Variants in SLC15A4 observed in about 807,000 individuals in gnomAD.
The protein encoded by SLC15A4 is hPHT1.
In SLC15A4, 26 loss-of-function variants were observed where a neutral mutation model predicts 46.1. The observed-to-expected ratio is 0.56, with a 90% CI of 0.41 to 0.78. SLC15A4 has a LOEUF of 0.78. SLC15A4 is among the 30% of genes least tolerant of loss of function. The pLI is 0.00. For missense variants in SLC15A4, 751 were observed against 755.7 expected (o/e 0.99, Z 0.07); for synonymous variants, 370 against 333.4 (o/e 1.11, Z -1.20).
In SLC15A4 at chr12:128,823,516, G is replaced by A. The variant is rs1380363617; in HGVS notation, c.428C>T (p.Ala143Val). 2.0e-6 allele frequency: 3 copies of A among 1,482,054 alleles called. No individual in the cohort carries two copies. Among genetic ancestry groups the A allele is most frequent in the African/African-American group, 1.5e-5 (1 of 68,152 alleles). The allele number at this position is 1,482,054 out of a possible 1,614,324, so 91.8% of individuals were successfully genotyped here. Residue 143 changes from alanine (A) to valine (V), a missense_variant, in exon 1 of 8, where the codon GCG becomes GTG. Coordinates refer to ENST00000266771, the MANE Select transcript of SLC15A4 (RefSeq NM_145648.4). Reference protein sequence around the residue: ...CGSARLLNCTAPGPDAAARCC... With the variant: ...CGSARLLNCTVPGPDAAARCC... ...GCGGGCGGCGGCGTCGGGACCAGGC[G>A]CCGTGCAGTTGAGCAGGCGCGCGGA...
At chr12:128,809,704 CAAG>C in intron 3 of SLC15A4, 2 of 544,874 alleles carry the variant, frequency 3.7e-6, no homozygotes, top group South Asian at 2.8e-5. Context: ...ATTACATTAA[CAAG>C]AGGGGCCTGA....
chr12:128,822,602 G>C (rs972898519), intron 1 of SLC15A4, among the ~76,000 whole-genome samples: 1 of 152,112 alleles, frequency 6.6e-6, no homozygotes, highest in South Asian at 2.1e-4. Context: ...CAGGCTGGAG[G>C]AGTGGAGTGG....
chr12:128,800,146 T>G (rs954593525), intron 6 of SLC15A4, among the ~76,000 whole-genome samples: 1 of 152,152 alleles, frequency 6.6e-6, no homozygotes, highest in Non-Finnish European at 1.5e-5. Context: ...ACAAGGGCAA[T>G]AGACTTCAAA....
chr12:128,798,938 G>T (rs552499825), intron 7 of SLC15A4, among the ~76,000 whole-genome samples: 1 of 152,232 alleles, frequency 6.6e-6, no homozygotes, highest in African/African-American at 2.4e-5. Flanking sequence ...TGAGCTGGAC[G>T]GGCGTGGAGA....
Position 128,809,389 on chromosome 12 carries a change from T to A in SLC15A4, c.1089+7A>T. On this transcript the variant is annotated splice_region_variant and intron_variant, in intron 4 of 7. Coordinates refer to ENST00000266771, the MANE Select transcript of SLC15A4 (RefSeq NM_145648.4). ...AACAATGTTCAGATCATTACAATTG[T>A]TCTTACCGTGTGAGGAGTGGTTGTA... 6.4e-7 allele frequency: 1 copy of A among 1,567,880 alleles called. No individual in the cohort carries two copies. Among genetic ancestry groups the A allele is most frequent in the African/African-American group, 1.4e-5 (1 of 73,830 alleles).
At chr12:128,816,833 A>G (rs369625113) in intron 1 of SLC15A4, among the ~76,000 whole-genome samples, 17 of 152,214 alleles carry the variant, frequency 1.1e-4, no homozygotes, top group East Asian at 7.7e-4. Flanking sequence ...TCAAAAGAAA[A>G]AAAAAGATAT....
chr12:128,808,665 A>G (rs1000114885), intron 5 of SLC15A4, 123 bp downstream of exon 5: 2 of 858,174 alleles, frequency 2.3e-6, no homozygotes, highest in African/African-American at 3.4e-5. Context: ...ACTGATACAC[A>G]TCCTCTTTTA....
chr12:128,800,663 T>C (rs1013563577), intron 6 of SLC15A4, 191 bp downstream of exon 6: 12 of 530,270 alleles, frequency 2.3e-5, no homozygotes, highest in Non-Finnish European at 3.2e-5. Context: ...GATACTGTTT[T>C]TACACAAAGA....
intron 7 of SLC15A4, among the ~76,000 whole-genome samples, chr12:128,794,784 G>A (rs1955426464): frequency 1.3e-5 from 2 of 152,196 alleles, no homozygotes; most frequent in African/African-American, 4.8e-5. Flanking sequence ...TGCAAATCAG[G>A]AGCAAGGGGA....
At chr12:128,821,779 A>G (rs943926065) in intron 1 of SLC15A4, among the ~76,000 whole-genome samples, 4 of 151,672 alleles carry the variant, frequency 2.6e-5, no homozygotes, top group Admixed American at 6.6e-5. Flanking sequence ...TCAACTACTC[A>G]GGAGGCCGAG....
At chr12:128,802,156 G>A (rs543335709) in intron 5 of SLC15A4, among the ~76,000 whole-genome samples, 64 of 152,074 alleles carry the variant, frequency 4.2e-4, no homozygotes, top group Non-Finnish European at 5.3e-4. Flanking sequence ...AAACATAAAC[G>A]CAGACCCAGG....
Position 128,793,406 on chromosome 12 carries a change from C to A in SLC15A4, c.*790G>T, listed in dbSNP as rs1456021973. On this transcript the variant is annotated 3_prime_UTR_variant, in exon 8 of 8. Transcript: ENST00000266771. Reference sequence around the variant, plus strand: ...TTCAAAAGAATGTTTTCCTTACATACAACCATGATCAGTCTTTAGTCTCAA... The same window carrying A: ...TTCAAAAGAATGTTTTCCTTACATAAAACCATGATCAGTCTTTAGTCTCAA... 4 of 152,156 alleles carry A rather than the reference C, an allele frequency of 2.6e-5. No individual in the cohort carries two copies. In the East Asian group the frequency reaches 7.7e-4, roughly 29 times the overall value. The allele number at this position is 152,156 out of a possible 1,614,324, so 9.4% of individuals were successfully genotyped here.
intron 1 of SLC15A4, among the ~76,000 whole-genome samples, chr12:128,818,138 G>C (rs1442126364): frequency 6.6e-6 from 1 of 151,802 alleles, no homozygotes; most frequent in Non-Finnish European, 1.5e-5. Flanking sequence ...TCGTCTTTCA[G>C]GTCACTATTT....
intron 5 of SLC15A4, chr12:128,801,481 A>AATG (rs1026192120): frequency 1.2e-4 from 19 of 154,754 alleles, no homozygotes; most frequent in African/African-American, 4.6e-4. Flanking sequence ...TGATGATAAT[A>AATG]ATGATGATGA....
chr12:128,795,749 T>A (rs1302116982), intron 7 of SLC15A4, among the ~76,000 whole-genome samples: 1 of 152,226 alleles, frequency 6.6e-6, no homozygotes, highest in Non-Finnish European at 1.5e-5. Context: ...GGCAGGACTT[T>A]TAGCTCGTCA....
At chr12:128,822,440 C>T (rs1194670216) in intron 1 of SLC15A4, among the ~76,000 whole-genome samples, 1 of 152,256 alleles carries the variant, frequency 6.6e-6, no homozygotes, top group African/African-American at 2.4e-5. Context: ...CCTGCACCTG[C>T]GAATCCCCAT....
chr12:128,797,185 C>A (rs1459712422), intron 7 of SLC15A4, among the ~76,000 whole-genome samples: 3 of 152,096 alleles, frequency 2.0e-5, no homozygotes, highest in Non-Finnish European at 4.4e-5. Context: ...TTCACAACAG[C>A]CCCACACTGC....
rs111562641 is a variant in SLC15A4 at position 128,808,831 on chromosome 12, G to A, written c.1215C>T (p.Ile405=). Residue 405 remains isoleucine (I), a synonymous_variant, in exon 5 of 8, where the codon ATC becomes ATT. Coordinates refer to ENST00000266771, the MANE Select transcript of SLC15A4 (RefSeq NM_145648.4). ...HGLLPSSLKR[I]AVGMFFVMCS... is the part of the protein sequence containing the mutation. ...ACATGACAAAGAACATGCCCACGGC[G>A]ATCCTCTTCAGGGAGGATGGGAGCA... is the stretch of plus-strand genomic sequence containing the variant. 1.4e-5 allele frequency: 22 copies of A among 1,614,206 alleles called. No individual in the cohort carries two copies. In the African/African-American group the frequency reaches 1.5e-4, roughly 11 times the overall value.
Position 128,823,859 on chromosome 12 carries a change from C to T in SLC15A4, c.85G>A (p.Ala29Thr). 1 of 1,119,580 alleles carries T rather than the reference C, an allele frequency of 8.9e-7. No homozygotes were observed. The highest frequency in any genetic ancestry group is 1.1e-6 in the Non-Finnish European group (1 of 914,972). The allele number at this position is 1,119,580 out of a possible 1,614,324, so 69.4% of individuals were successfully genotyped here. Reference sequence around the variant, plus strand: ...CACGCCGCGCGCCGGCCCGCGAACGCCCCAGCCGCCGCCGCGGCCGCCGCC... The same window carrying T: ...CACGCCGCGCGCCGGCCCGCGAACGTCCCAGCCGCCGCCGCGGCCGCCGCC... Reference protein sequence around the residue: ...RAAAAAAAAGAFAGRRAACGA... With the variant: ...RAAAAAAAAGTFAGRRAACGA... Residue 29 changes from alanine (A) to threonine (T), a missense_variant, in exon 1 of 8, where the codon GCG becomes ACG. By Grantham distance (58) the Ala-to-Thr change is moderately conservative. Transcript: ENST00000266771.
Sources: allele counts gnomAD v4.1 joint callset (sites outside exome capture counted in the v4.1 genomes callset), GRCh38; gene constraint gnomAD v4.1.1; transcripts MANE v1.5; gene names NCBI Gene and HGNC (gene_info 2026-07-23, HGNC 2026-07-21).